Variants in PLA2R1 observed in about 807,000 individuals in gnomAD.
PLA2R1 encodes the protein phospholipase A2 receptor 1.
Under a neutral mutation model 195.9 loss-of-function variants are expected in PLA2R1, and 158 were observed. The observed-to-expected ratio is 0.81, with a 90% CI of 0.71 to 0.92. The LOEUF (loss-of-function observed/expected upper bound fraction) is 0.92, where lower values mean the gene tolerates loss of function less well. Ranked by LOEUF, PLA2R1 falls within the 40% of genes least tolerant of loss-of-function variation. PLA2R1 has a pLI of 0.00. For synonymous variants in PLA2R1, 586 were observed against 598.2 expected (o/e 0.98, Z 0.30); for missense variants, 1,626 against 1,764.6 (o/e 0.92, Z 1.41).
chr2:160,045,160 G>A lies in PLA2R1; in HGVS notation c.110-3C>T, dbSNP rs527821005. On this transcript the variant is annotated splice_polypyrimidine_tract_variant and splice_region_variant and intron_variant, in intron 1 of 29. Transcript: ENST00000283243. ...TTGGATAACAAATATTCCTTTATCT[G>A]AAACAAAAATCAAAGATGTGGCATG... The A allele has an allele frequency of 3.8e-6, 6 of 1,580,596 alleles. No individual in the cohort carries two copies. The East Asian group carries it at 1.1e-4, about 30-fold the overall frequency.
intron 11 of PLA2R1, among the ~76,000 whole-genome samples, chr2:159,998,840 A>T (rs1691403725): frequency 6.6e-6 from 1 of 152,162 alleles, no homozygotes; most frequent in Admixed American, 6.6e-5. Flanking sequence ...TTGAACTTTT[A>T]TGATAACTTC....
At chr2:160,022,631 T>C in intron 7 of PLA2R1, 34 bp downstream of exon 7, 1 of 1,312,214 alleles carries the variant, frequency 7.6e-7, no homozygotes, top group South Asian at 1.6e-5. Flanking sequence ...CATTATATTT[T>C]ATGCCTTTTA....
intron 12 of PLA2R1, among the ~76,000 whole-genome samples, chr2:159,985,997 A>G (rs1690298771): frequency 6.6e-6 from 1 of 152,046 alleles, no homozygotes; most frequent in South Asian, 2.1e-4. Flanking sequence ...CCCCGAGAGA[A>G]GCGCTTTGGG....
At chr2:159,955,869 A>G in intron 21 of PLA2R1, 41 bp from the exon 22 acceptor site, 1 of 1,397,296 alleles carries the variant, frequency 7.2e-7, no homozygotes, top group Non-Finnish European at 1.0e-6. Context: ...ATACTGTAGA[A>G]AGCATTTGGG....
intron 3 of PLA2R1, among the ~76,000 whole-genome samples, chr2:160,034,916 G>A (rs1024010656): frequency 1.1e-4 from 17 of 152,190 alleles, no homozygotes; most frequent in African/African-American, 3.6e-4. Flanking sequence ...CTGACATGAC[G>A]CCACAAGTAG....
At chr2:160,061,063 T>C (rs1695919155) in intron 1 of PLA2R1, among the ~76,000 whole-genome samples, 1 of 152,186 alleles carries the variant, frequency 6.6e-6, no homozygotes, top group Admixed American at 6.5e-5. Context: ...AAAGACTACC[T>C]CAAAAATGTA....
At chr2:160,061,696 C>A (rs1204736892) in intron 1 of PLA2R1, among the ~76,000 whole-genome samples, 1 of 152,100 alleles carries the variant, frequency 6.6e-6, no homozygotes, top group Admixed American at 6.5e-5. Context: ...GATCGCTTGA[C>A]CCCGGGAGGC....
In PLA2R1 at chr2:159,983,976, A is replaced by G. The variant is rs774233383; in HGVS notation, c.2135T>C (p.Ile712Thr). The change falls in exon 13 of 30, where the codon ATT becomes ACT. Residue 712 changes from isoleucine (I) to threonine (T), a missense_variant. Ile to Thr is a moderately conservative substitution (Grantham distance 89). Transcript: ENST00000283243. ...FGAHLASFAH[I>T]EEENFVNELL... is the part of the protein sequence containing the mutation. ...CTCATTCACAAAATTCTCTTCCTCA[A>G]TATGGGCAAAGCTTGCAAGATGAGC... 20 of 1,599,698 alleles carry G rather than the reference A, an allele frequency of 1.3e-5. No individual in the cohort carries two copies. In the Admixed American group the frequency reaches 2.0e-4, roughly 16 times the overall value.
chr2:160,000,056 G>C (rs866963636), intron 11 of PLA2R1, among the ~76,000 whole-genome samples: 4 of 152,238 alleles, frequency 2.6e-5, no homozygotes, highest in Middle Eastern at 3.4e-3. Context: ...CTTCCTAGTG[G>C]GATTTACCCT....
In PLA2R1 at chr2:159,947,571, A is replaced by G. The variant is rs1303426000; in HGVS notation, c.3710-12T>C. On this transcript the variant is annotated splice_polypyrimidine_tract_variant and intron_variant, in intron 25 of 29. Transcript: ENST00000283243. ...AGATTGTCTTGTTTCTGTGAAGAAAAGCCAGTTATGATTTCAGGGTGGTGA... is the reference window on the plus strand; with the variant it reads ...AGATTGTCTTGTTTCTGTGAAGAAAGGCCAGTTATGATTTCAGGGTGGTGA... The G allele has an allele frequency of 1.9e-6, 3 of 1,612,422 alleles. No individual in the cohort carries two copies. The Admixed American group carries it at 5.0e-5, about 27-fold the overall frequency.
At chr2:159,993,370 T>C (rs1015240776) in intron 11 of PLA2R1, among the ~76,000 whole-genome samples, 39 of 151,764 alleles carry the variant, frequency 2.6e-4, no homozygotes, top group Non-Finnish European at 5.3e-4. Context: ...AGAAAGGAAA[T>C]CCAGTTAAAA....
At chr2:160,009,680 G>T (rs1031424238) in intron 10 of PLA2R1, among the ~76,000 whole-genome samples, 2 of 131,218 alleles carry the variant, frequency 1.5e-5, no homozygotes, top group Admixed American at 1.5e-4. Flanking sequence ...GACTAACATG[G>T]TGAATTTTAC....
chr2:159,932,187 G>A lies in PLA2R1; in HGVS notation c.*9591C>T, dbSNP rs1225167695. On this transcript the variant is annotated 3_prime_UTR_variant, in exon 30 of 30. Coordinates refer to ENST00000283243, the MANE Select transcript of PLA2R1 (RefSeq NM_007366.5). ...CAGGGAATTTCTACCTTGAGCACCA[G>A]TTTCACCAAGCTCTCCAGTCCTTGG... 6.6e-6 allele frequency: 1 copy of A among 152,230 alleles called. No individual in the cohort carries two copies. The highest frequency in any genetic ancestry group is 1.5e-5 in the Non-Finnish European group (1 of 68,048). 9.4% of individuals were successfully genotyped at this position (152,230 alleles called of 1,614,324 possible). A position where few individuals can be genotyped will look rare whatever the true frequency, so the allele number is the denominator to read the frequency against.
chr2:160,013,453 T>C (rs1692498768), intron 9 of PLA2R1, 78 bp from the exon 10 acceptor site: 1 of 762,972 alleles, frequency 1.3e-6, no homozygotes, highest in South Asian at 1.8e-5. Flanking sequence ...CATACTCTTT[T>C]ACCACCTACA....
chr2:160,005,833 A>G lies in PLA2R1; in HGVS notation c.1665-12T>C, dbSNP rs1293398937. The G allele has an allele frequency of 1.9e-6, 3 of 1,591,584 alleles. No individual in the cohort carries two copies. The highest frequency in any genetic ancestry group is 2.6e-6 in the Non-Finnish European group (3 of 1,160,514). On this transcript the variant is annotated splice_polypyrimidine_tract_variant and intron_variant, in intron 10 of 29. Coordinates refer to ENST00000283243, the MANE Select transcript of PLA2R1 (RefSeq NM_007366.5). ...AAGCCTGTTCAAACCTTAAAAGGGG[A>G]AAAAAGAAGTGGTTACATTAAGTTT...
chr2:159,924,960 C>T, the PLA2R1 span, among the ~76,000 whole-genome samples: 8 of 152,108 alleles, frequency 5.3e-5, no homozygotes, highest in East Asian at 7.7e-4. Context: ...CCCATGTTGT[C>T]CAATACATTT....
At chr2:159,964,473 T>C (rs1688655070) in intron 20 of PLA2R1, among the ~76,000 whole-genome samples, 2 of 152,212 alleles carry the variant, frequency 1.3e-5, no homozygotes, top group African/African-American at 4.8e-5. Context: ...CAGTGTCTTA[T>C]TGAATATTAG....
chr2:159,991,511 G>A (rs1210338583), intron 11 of PLA2R1, among the ~76,000 whole-genome samples: 1 of 140,024 alleles, frequency 7.1e-6, no homozygotes. Flanking sequence ...TGTGCACATT[G>A]TACAGGTTAG....
intron 9 of PLA2R1, among the ~76,000 whole-genome samples, chr2:160,014,158 G>A (rs1376632022): frequency 6.6e-6 from 1 of 152,022 alleles, no homozygotes; most frequent in Non-Finnish European, 1.5e-5. Context: ...TTCTGGAACA[G>A]TCCAGGATGG....
Sources: gnomAD v4.1 joint callset for allele counts (sites outside exome capture counted in the v4.1 genomes callset) on GRCh38, gnomAD v4.1.1 for gene constraint, MANE v1.5 for transcripts, NCBI Gene and HGNC (gene_info 2026-07-23, HGNC 2026-07-21) for gene names.